The following NEDD4L variants were observed in gnomAD, a reference collection of about 807,000 sequenced individuals.
The protein encoded by NEDD4L is NEDD4 like E3 ubiquitin protein ligase, also known as E3 ubiquitin-protein ligase NEDD4-like.
NEDD4L carries 54 observed loss-of-function variants against 148.9 expected under a neutral mutation model. That is an observed-to-expected ratio of 0.36 (90% CI 0.29 to 0.45). The LOEUF (loss-of-function observed/expected upper bound fraction) is 0.45, where lower values mean the gene tolerates loss of function less well. NEDD4L is among the 20% of genes least tolerant of loss of function. The pLI is 1.00. For synonymous variants in NEDD4L, 433 were observed against 440.7 expected, an observed-to-expected ratio of 0.98 and a Z score of 0.22; for missense variants, 856 against 1,233.8, an observed-to-expected ratio of 0.69 and a Z score of 4.59.
rs1345758274 is a variant in NEDD4L at position 58,044,676 on chromosome 18, G to C, written c.16G>C (p.Gly6Arg). 1.9e-6 allele frequency: 3 copies of C among 1,604,146 alleles called. No homozygotes were observed. Among genetic ancestry groups the C allele is most frequent in the African/African-American group, 1.4e-5 (1 of 73,944 alleles). Residue 6 changes from glycine (G) to arginine (R), a missense_variant, in exon 1 of 31, where the codon GGG becomes CGG. Gly to Arg is a moderately radical substitution (Grantham distance 125). Coordinates refer to ENST00000400345, the MANE Select transcript of NEDD4L (RefSeq NM_001144967.3). ...CGCCGGCTCCATGGCGACCGGGCTC[G>C]GGGAGCCGGTCTATGGACTTTCCGA... MATGLGEPVYGLSEDE... is the reference protein window; with the variant it reads MATGLREPVYGLSEDE...
At chr18:58,203,862 G>A (rs2041700030) in intron 2 of NEDD4L, among the ~76,000 whole-genome samples, 5 of 151,880 alleles carry the variant, frequency 3.3e-5, no homozygotes, top group African/African-American at 1.2e-4. Flanking sequence ...AATTTATAAG[G>A]GCATAATTAG....
intron 3 of NEDD4L, among the ~76,000 whole-genome samples, 166 bp downstream of exon 3, chr18:58,245,674 C>CTTTTTTTTT (rs57282316): frequency 3.5e-4 from 31 of 89,262 alleles, no homozygotes; most frequent in Admixed American, 4.2e-4. Context: ...CACTTTTTCT[C>CTTTTTTTTT]TTTTTTTTTT....
chr18:58,250,236 G>A (rs1254535331), intron 4 of NEDD4L, among the ~76,000 whole-genome samples: 2 of 145,250 alleles, frequency 1.4e-5, no homozygotes, highest in African/African-American at 5.4e-5. Flanking sequence ...TGCAACCTCT[G>A]CCTCCCAGGT....
chr18:58,333,613 A>G (rs1293816115), intron 11 of NEDD4L, among the ~76,000 whole-genome samples: 1 of 152,218 alleles, frequency 6.6e-6, no homozygotes, highest in African/African-American at 2.4e-5. Context: ...GGACCAATCA[A>G]AATTCCAGTC....
In NEDD4L at chr18:58,397,865, A is replaced by C. The variant is rs1043764090; in HGVS notation, c.*1596A>C. On this transcript the variant is annotated 3_prime_UTR_variant, in exon 31 of 31. Coordinates refer to ENST00000400345, the MANE Select transcript of NEDD4L (RefSeq NM_001144967.3). ...CCTGTCGGGGCAGTCAGGGGACACT[A>C]GAGATTTGATCTCATGCGAGTCATC... is the stretch of plus-strand genomic sequence containing the variant. 1 of 152,616 alleles carries C rather than the reference A, an allele frequency of 6.6e-6. No homozygotes were observed. Among genetic ancestry groups the C allele is most frequent in the Non-Finnish European group, 1.5e-5 (1 of 68,026 alleles). 9.5% of individuals were successfully genotyped at this position (152,616 alleles called of 1,614,324 possible).
At chr18:58,345,809 TC>T (rs1425887490) in intron 16 of NEDD4L, among the ~76,000 whole-genome samples, 2 of 152,132 alleles carry the variant, frequency 1.3e-5, no homozygotes, top group African/African-American at 4.8e-5. Flanking sequence ...TGGCACAATC[TC>T]AGCTCAGTGC....
rs1333580397 is a variant in NEDD4L, at chr18:58,399,164, G to A, written c.*2895G>A. 6.6e-6 allele frequency: 1 copy of A among 152,218 alleles called. No homozygotes were observed. The highest frequency in any genetic ancestry group is 1.5e-5 in the Non-Finnish European group (1 of 68,040). 9.4% of individuals were successfully genotyped at this position (152,218 alleles called of 1,614,324 possible). A position where few individuals can be genotyped will look rare whatever the true frequency, so the allele number is the denominator to read the frequency against. Reference sequence around the variant, plus strand: ...CCTGCCCCTTGTTGGCCCGAGGAAGGATGTGGAAAGAGCACCTGGTGGGAT... The same window carrying A: ...CCTGCCCCTTGTTGGCCCGAGGAAGAATGTGGAAAGAGCACCTGGTGGGAT... On this transcript the variant is annotated 3_prime_UTR_variant, in exon 31 of 31. Transcript: ENST00000400345.
chr18:58,138,808 A>T (rs1423423263), intron 1 of NEDD4L, among the ~76,000 whole-genome samples: 1 of 152,234 alleles, frequency 6.6e-6, no homozygotes, highest in Non-Finnish European at 1.5e-5. Flanking sequence ...CAAGGGCGCC[A>T]TCCTCATGAC....
chr18:58,067,658 T>G (rs1211516537), intron 1 of NEDD4L, among the ~76,000 whole-genome samples: 2 of 152,204 alleles, frequency 1.3e-5, no homozygotes, highest in Non-Finnish European at 2.9e-5. Flanking sequence ...ACACTTTTAG[T>G]GCTCCTGTAG....
intron 1 of NEDD4L, among the ~76,000 whole-genome samples, chr18:58,088,199 T>C (rs1321879661): frequency 3.9e-5 from 6 of 152,230 alleles, no homozygotes; most frequent in Admixed American, 2.0e-4. Context: ...AAAGCTGCAG[T>C]GTCATTTTAT....
chr18:58,092,191 G>A (rs1285993453), intron 1 of NEDD4L, among the ~76,000 whole-genome samples: 1 of 152,260 alleles, frequency 6.6e-6, no homozygotes, highest in Non-Finnish European at 1.5e-5. Flanking sequence ...TTCGGGGGAG[G>A]TCCTTTCATC....
chr18:58,384,121 CCTTT>C (rs1453040669), intron 25 of NEDD4L, among the ~76,000 whole-genome samples: 1 of 152,174 alleles, frequency 6.6e-6, no homozygotes, highest in Non-Finnish European at 1.5e-5. Flanking sequence ...TAGGCTCCCT[CCTTT>C]CTTCTCATTT....
At chr18:58,339,449 G>C (rs190389272) in intron 13 of NEDD4L, among the ~76,000 whole-genome samples, 2 of 152,090 alleles carry the variant, frequency 1.3e-5, no homozygotes, top group Admixed American at 1.3e-4. Context: ...CTAATTCATC[G>C]ATGTTTAATA....
At chr18:58,204,133 C>A (rs1486839098) in intron 2 of NEDD4L, among the ~76,000 whole-genome samples, 1 of 152,170 alleles carries the variant, frequency 6.6e-6, no homozygotes, top group Non-Finnish European at 1.5e-5. Flanking sequence ...TTGAGACCTG[C>A]CTGGCCAACA....
intron 20 of NEDD4L, 125 bp downstream of exon 20, chr18:58,364,458 C>G (rs2045874027): frequency 1.6e-6 from 1 of 617,318 alleles, no homozygotes; most frequent in Non-Finnish European, 2.8e-6. Context: ...TTCCTTTTCT[C>G]TCTGCACTTT....
At chr18:58,196,274 G>A (rs934647859) in intron 2 of NEDD4L, among the ~76,000 whole-genome samples, 2 of 152,112 alleles carry the variant, frequency 1.3e-5, no homozygotes, top group Non-Finnish European at 2.9e-5. Flanking sequence ...GCTCGTGATG[G>A]GACAACATAC....
chr18:58,168,618 C>A (rs986936207), intron 2 of NEDD4L, among the ~76,000 whole-genome samples: 1 of 152,146 alleles, frequency 6.6e-6, no homozygotes, highest in Admixed American at 6.5e-5. Flanking sequence ...CACTGACATG[C>A]CTTTTCTCCA....
intron 5 of NEDD4L, among the ~76,000 whole-genome samples, chr18:58,271,239 T>C (rs79372830): frequency 0.18 from 27,317 of 152,166 alleles, 2,721 homozygotes; most frequent in East Asian, 0.28. Flanking sequence ...GGATTATGCC[T>C]TTATCCCTTT....
intron 5 of NEDD4L, among the ~76,000 whole-genome samples, chr18:58,314,092 G>A (rs549407665): frequency 6.6e-6 from 1 of 152,112 alleles, no homozygotes; most frequent in Non-Finnish European, 1.5e-5. Flanking sequence ...TTATAGTACA[G>A]TTAACTGATA....
Sources: allele counts gnomAD v4.1 joint callset (sites outside exome capture counted in the v4.1 genomes callset), GRCh38; gene constraint gnomAD v4.1.1; transcripts MANE v1.5; gene names NCBI Gene and HGNC (gene_info 2026-07-23, HGNC 2026-07-21).